TBC1D32: variants seen among roughly 807,000 people sequenced by gnomAD.
TBC1D32 encodes protein broad-minded.
In TBC1D32, 151 loss-of-function variants were observed where a neutral mutation model predicts 170.3. The observed-to-expected ratio is 0.89, with a 90% CI of 0.78 to 1.01. The LOEUF is 1.01. Among genes scored for constraint, TBC1D32 ranks in the 50% least tolerant of loss-of-function variants. The pLI is 0.00. For missense variants in TBC1D32, 1,464 were observed against 1,457.1 expected, an observed-to-expected ratio of 1.00 and a Z score of -0.08; for synonymous variants, 498 against 488.0, an observed-to-expected ratio of 1.02 and a Z score of -0.27.
intron 1 of TBC1D32, among the ~76,000 whole-genome samples, chr6:121,324,937 C>G (rs1279724432): frequency 6.6e-6 from 1 of 152,164 alleles, no homozygotes; most frequent in Non-Finnish European, 1.5e-5. Flanking sequence ...GGGCTGGGCA[C>G]AGCGGCTCAC....
chr6:121,232,104 A>G (rs950797729), intron 20 of TBC1D32, among the ~76,000 whole-genome samples: 6 of 152,126 alleles, frequency 3.9e-5, no homozygotes, highest in Non-Finnish European at 8.8e-5. Flanking sequence ...TTTTCTATAT[A>G]AGGTGAGAGA....
intron 15 of TBC1D32, among the ~76,000 whole-genome samples, chr6:121,261,363 G>A (rs1285460162): frequency 7.9e-5 from 12 of 152,304 alleles, no homozygotes; most frequent in Non-Finnish European, 1.2e-4. Context: ...ACACAGGAGC[G>A]TTCCTACTGG....
At chr6:121,197,829 G>A (rs981254355) in intron 22 of TBC1D32, among the ~76,000 whole-genome samples, 2 of 152,156 alleles carry the variant, frequency 1.3e-5, no homozygotes, top group Non-Finnish European at 2.9e-5. Context: ...CTGATCCCGG[G>A]TATGCCTGTG....
intron 12 of TBC1D32, among the ~76,000 whole-genome samples, chr6:121,288,441 A>C (rs570044790): frequency 2.6e-5 from 4 of 152,196 alleles, no homozygotes; most frequent in Admixed American, 2.0e-4. Context: ...CACCCTCCCA[A>C]GACTAAATCA....
intron 7 of TBC1D32, 36 bp from the exon 8 acceptor site, chr6:121,304,462 G>T: frequency 6.2e-7 from 1 of 1,605,362 alleles, no homozygotes; most frequent in Non-Finnish European, 8.5e-7. Flanking sequence ...CAAAAAATTA[G>T]CATCCTCAAA....
At chr6:121,160,267 C>T (rs1370172342) in intron 23 of TBC1D32, among the ~76,000 whole-genome samples, 164 bp from the exon 24 acceptor site, 2 of 152,212 alleles carry the variant, frequency 1.3e-5, no homozygotes, top group African/African-American at 4.8e-5. Context: ...CTTCAATATT[C>T]CAATGGGTAA....
rs200847552 is a variant in TBC1D32, at chr6:121,213,467, A to AACATAACATAACATAAC, written c.2482-8305_2482-8304insGTTATGTTATGTTATGT. Among the ~76,000 whole-genome samples the AACATAACATAACATAAC allele has an allele frequency of 2.5e-4, 11 of 44,740 alleles. No homozygotes were observed. In the South Asian group the frequency reaches 4.9e-3, roughly 20 times the overall value. 29.4% of individuals were successfully genotyped at this position (44,740 alleles called of 152,430 possible). The stretch of plus-strand genomic sequence containing the variant: ...TATTCACAACTGCCACAAAAATAAT[A>AACATAACATAACATAAC]ATAAAATAAAATAAAATAAAATAAA... On this transcript the variant is annotated intron_variant, in intron 21 of 31. Coordinates refer to ENST00000398212, the MANE Select transcript of TBC1D32 (RefSeq NM_152730.6).
At chr6:121,310,561 T>C (rs1808040633) in intron 4 of TBC1D32, among the ~76,000 whole-genome samples, 1 of 152,186 alleles carries the variant, frequency 6.6e-6, no homozygotes, top group Admixed American at 6.5e-5. Flanking sequence ...AGATAAAAAT[T>C]TCCTCTTCCA....
intron 21 of TBC1D32, among the ~76,000 whole-genome samples, chr6:121,221,128 T>C (rs996893771): frequency 1.2e-4 from 18 of 152,152 alleles, no homozygotes; most frequent in African/African-American, 4.3e-4. Context: ...ATTCCAAAAA[T>C]CCTGGAGCAC....
At chr6:121,217,311 C>G (rs893044952) in intron 21 of TBC1D32, among the ~76,000 whole-genome samples, 2 of 152,242 alleles carry the variant, frequency 1.3e-5, no homozygotes, top group African/African-American at 4.8e-5. Context: ...AGCAATATAC[C>G]TTTTCTGTCC....
At chr6:121,260,625 T>C (rs998724675) in intron 15 of TBC1D32, among the ~76,000 whole-genome samples, 2 of 152,170 alleles carry the variant, frequency 1.3e-5, no homozygotes. Context: ...AAGCTGTGCT[T>C]TTCCATGGAA....
At chr6:121,133,073 G>A (rs1276296569) in intron 24 of TBC1D32, among the ~76,000 whole-genome samples, 1 of 151,786 alleles carries the variant, frequency 6.6e-6, no homozygotes, top group Non-Finnish European at 1.5e-5. Context: ...TAGGGTTAAA[G>A]GCTTAATTGT....
At chr6:121,173,151 G>A (rs142675140) in intron 22 of TBC1D32, among the ~76,000 whole-genome samples, 1,746 of 152,226 alleles carry the variant, frequency 0.011, 15 homozygotes, top group Middle Eastern at 0.027. Context: ...AGCTACCAGC[G>A]CAGCCAGAAT....
At chr6:121,083,384 T>C (rs1345400073) in intron 31 of TBC1D32, among the ~76,000 whole-genome samples, 1 of 152,128 alleles carries the variant, frequency 6.6e-6, no homozygotes, top group African/African-American at 2.4e-5. Context: ...TTGTATCTAA[T>C]GCTAATCAAC....
chr6:121,104,166 C>T (rs1778448145), intron 30 of TBC1D32, among the ~76,000 whole-genome samples: 1 of 151,616 alleles, frequency 6.6e-6, no homozygotes, highest in Admixed American at 6.6e-5. Flanking sequence ...TCAAGAAAAA[C>T]TACTGTCTAA....
rs556035912 is a variant in TBC1D32, at chr6:121,159,630, C to T, written c.2773+380G>A. On this transcript the variant is annotated intron_variant, in intron 24 of 31. Coordinates refer to ENST00000398212, the MANE Select transcript of TBC1D32 (RefSeq NM_152730.6). ...AGTCTAACTCTACACCTAGGCTACA[C>T]GGTGTAGCCTATTGCTCCTAGGCTA... Among the ~76,000 whole-genome samples, 777 of 152,170 alleles carry T rather than the reference C, an allele frequency of 5.1e-3. 6 individuals are homozygous for T. Among genetic ancestry groups the T allele is most frequent in the African/African-American group, 0.018 (745 of 41,516 alleles).
intron 24 of TBC1D32, among the ~76,000 whole-genome samples, chr6:121,157,643 G>C (rs570875456): frequency 6.6e-6 from 1 of 152,208 alleles, no homozygotes; most frequent in East Asian, 1.9e-4. Flanking sequence ...AGCAGGTTTT[G>C]ATCTTCCATT....
At chr6:121,145,510 A>T (rs1406058023) in intron 24 of TBC1D32, among the ~76,000 whole-genome samples, 1 of 152,188 alleles carries the variant, frequency 6.6e-6, no homozygotes, top group Non-Finnish European at 1.5e-5. Flanking sequence ...TCAGTTAAAT[A>T]AAAGGAATAT....
intron 30 of TBC1D32, 145 bp from the exon 31 acceptor site, chr6:121,091,186 A>C (rs1776764154): frequency 1.4e-6 from 1 of 697,528 alleles, no homozygotes; most frequent in African/African-American, 1.8e-5. Context: ...ATAGATGCCT[A>C]AAAAGGATGC....
Sources: gnomAD v4.1 joint callset for allele counts (sites outside exome capture counted in the v4.1 genomes callset) on GRCh38, gnomAD v4.1.1 for gene constraint, MANE v1.5 for transcripts, NCBI Gene and HGNC (gene_info 2026-07-23, HGNC 2026-07-21) for gene names.